The following PPP1R2 variants were observed in gnomAD, a reference collection of about 807,000 sequenced individuals.
PPP1R2 encodes the protein protein phosphatase 1 regulatory inhibitor subunit 2, also known as protein phosphatase inhibitor 2.
Under a neutral mutation model 29.9 loss-of-function variants are expected in PPP1R2, and 16 were observed. The observed-to-expected ratio is 0.53, with a 90% CI of 0.36 to 0.81. The LOEUF (loss-of-function observed/expected upper bound fraction) is 0.81, where lower values mean the gene tolerates loss of function less well. PPP1R2 is among the 30% of genes least tolerant of loss of function. The pLI, the probability that PPP1R2 is intolerant of heterozygous loss-of-function variation, is 0.00. For synonymous variants in PPP1R2, 76 were observed against 91.5 expected (o/e 0.83, Z 0.96); for missense variants, 197 against 252.7 (o/e 0.78, Z 1.49).
intron 1 of PPP1R2, among the ~76,000 whole-genome samples, chr3:195,538,292 G>A (rs992145000): frequency 6.6e-6 from 1 of 152,214 alleles, no homozygotes; most frequent in Non-Finnish European, 1.5e-5. Context: ...CTTGTGACTT[G>A]CTCATTTGAT....
At chr3:195,521,947 G>A (rs1177997104) in intron 4 of PPP1R2, among the ~76,000 whole-genome samples, 4 of 152,080 alleles carry the variant, frequency 2.6e-5, no homozygotes, top group Non-Finnish European at 5.9e-5. Flanking sequence ...CACCAAACCC[G>A]GCCATCATGA....
At chr3:195,542,676 T>C (rs1719639870) in intron 1 of PPP1R2, among the ~76,000 whole-genome samples, 1 of 152,040 alleles carries the variant, frequency 6.6e-6, no homozygotes, top group African/African-American at 2.4e-5. Context: ...AAGATGATGT[T>C]TAAAAATATT....
rs775644935 is a variant in PPP1R2, at chr3:195,524,870, C to G, written c.257G>C (p.Cys86Ser). The G allele has an allele frequency of 4.3e-6, 7 of 1,614,120 alleles. No individual in the cohort carries two copies. Among genetic ancestry groups the G allele is most frequent in the Non-Finnish European group, 5.1e-6 (6 of 1,179,990 alleles). Residue 86 changes from cysteine to serine, a missense_variant, in exon 3 of 6, where the codon TGT becomes TCT. Physicochemically the swap from Cys to Ser is moderately radical, Grantham distance 112 (BLOSUM62 -1). Around this residue, in one of 3 missense-constraint regions of PPP1R2, gnomAD observed 135 missense variants for 163.0 expected, o/e 0.83. Coordinates refer to ENST00000618156, the MANE Select transcript of PPP1R2 (RefSeq NM_006241.8). ...HSMMGDDEDA[C>S]SDTEATEAMA... is the part of the protein sequence containing the mutation. ...GGCTTCAGTGGCCTCGGTGTCACTA[C>G]AGGCATCTTCATCATCCCCCATCAT...
chr3:195,520,152 G>T (rs1718699964), intron 4 of PPP1R2, among the ~76,000 whole-genome samples: 1 of 152,110 alleles, frequency 6.6e-6, no homozygotes, highest in Non-Finnish European at 1.5e-5. Context: ...TGGGATCACA[G>T]GCATGTGCTA....
intron 5 of PPP1R2, among the ~76,000 whole-genome samples, chr3:195,518,543 C>T (rs576016820): frequency 5.9e-5 from 9 of 151,518 alleles, no homozygotes; most frequent in African/African-American, 1.5e-4. Flanking sequence ...CCCAGCTACT[C>T]GGGAGGCTGA....
At chr3:195,527,803 C>T in intron 2 of PPP1R2, 1 of 230,844 alleles carries the variant, frequency 4.3e-6, no homozygotes, top group Non-Finnish European at 8.8e-6. Flanking sequence ...GAGTTCCAGG[C>T]TGTAGTGTGC....
chr3:195,518,785 C>A (rs1372107204), intron 5 of PPP1R2, among the ~76,000 whole-genome samples: 4 of 151,988 alleles, frequency 2.6e-5, no homozygotes, highest in Non-Finnish European at 1.5e-5. Flanking sequence ...GCAAGTAAAC[C>A]ATAAGAAAGC....
intron 2 of PPP1R2, among the ~76,000 whole-genome samples, chr3:195,525,816 C>G (rs1051804415): frequency 4.6e-5 from 7 of 152,116 alleles, no homozygotes; most frequent in Admixed American, 4.6e-4. Flanking sequence ...TATACATTTC[C>G]TGGTTAATTA....
intron 1 of PPP1R2, among the ~76,000 whole-genome samples, chr3:195,530,507 G>A (rs895418383): frequency 1.3e-5 from 2 of 152,134 alleles, no homozygotes; most frequent in African/African-American, 2.4e-5. Flanking sequence ...AGCAATAGAC[G>A]TTCTCTCTAA....
intron 3 of PPP1R2, among the ~76,000 whole-genome samples, chr3:195,524,340 G>T (rs1718881406): frequency 6.6e-6 from 1 of 152,142 alleles, no homozygotes; most frequent in African/African-American, 2.4e-5. Context: ...TGGCCAATAT[G>T]GCAAAACACT....
intron 1 of PPP1R2, among the ~76,000 whole-genome samples, chr3:195,539,334 T>A (rs1290688172): frequency 3.3e-5 from 5 of 152,214 alleles, no homozygotes; most frequent in South Asian, 2.1e-4. Flanking sequence ...CTATACTTAG[T>A]TATGTGGATT....
intron 1 of PPP1R2, among the ~76,000 whole-genome samples, chr3:195,539,542 T>C (rs1719515366): frequency 6.6e-6 from 1 of 151,938 alleles, no homozygotes; most frequent in African/African-American, 2.4e-5. Context: ...TAAAACCCCA[T>C]CTCTACAAAA....
chr3:195,522,657 A>G (rs1718805650), intron 4 of PPP1R2, among the ~76,000 whole-genome samples: 1 of 152,240 alleles, frequency 6.6e-6, no homozygotes, highest in African/African-American at 2.4e-5. Flanking sequence ...GAGATACAAT[A>G]CAACTTGAGA....
chr3:195,532,212 TTTC>T (rs1281751627), intron 1 of PPP1R2, among the ~76,000 whole-genome samples: 2 of 97,416 alleles, frequency 2.1e-5, no homozygotes, highest in African/African-American at 7.2e-5. Context: ...TCTTTTTCTT[TTTC>T]TTTTTTTTTT....
In PPP1R2 at chr3:195,515,769, A is replaced by C. The variant is rs574769189; in HGVS notation, c.*1127T>G. 3.3e-5 allele frequency: 5 copies of C among 152,160 alleles called. No individual in the cohort carries two copies. Among genetic ancestry groups the C allele is most frequent in the East Asian group, 1.9e-4 (1 of 5,186 alleles). The allele number at this position is 152,160 out of a possible 1,614,324, so 9.4% of individuals were successfully genotyped here. A position where few individuals can be genotyped will look rare whatever the true frequency, so the allele number is the denominator to read the frequency against. On this transcript the variant is annotated 3_prime_UTR_variant, in exon 6 of 6. Transcript: ENST00000618156. ...AACCCTCAAAAAACAAACAAAAAAA[A>C]CCCTCAGTTAGTTGTTTTCTTAAGT...
chr3:195,529,982 TAACATTTC>T, intron 1 of PPP1R2, 81 bp from the exon 2 acceptor site: 1 of 997,994 alleles, frequency 1.0e-6, no homozygotes, highest in Non-Finnish European at 1.5e-6. Context: ...TGTCCAAATT[TAACATTTC>T]AACTTCTATT....
intron 1 of PPP1R2, among the ~76,000 whole-genome samples, chr3:195,535,643 A>C (rs1278749799): frequency 1.3e-5 from 2 of 152,212 alleles, no homozygotes; most frequent in African/African-American, 4.8e-5. Context: ...AGTGCTTCTG[A>C]ATCAGTGCCA....
chr3:195,519,915 AT>A (rs1224650649), intron 4 of PPP1R2, among the ~76,000 whole-genome samples: 4 of 55,056 alleles, frequency 7.3e-5, no homozygotes, highest in Admixed American at 5.0e-4. Flanking sequence ...AGATCAGAAA[AT>A]TAAAAAAAAA....
chr3:195,527,424 C>T (rs930223252), intron 2 of PPP1R2, among the ~76,000 whole-genome samples: 3 of 151,526 alleles, frequency 2.0e-5, no homozygotes, highest in South Asian at 2.1e-4. Flanking sequence ...CTCTCCAGCC[C>T]GGGTGACAGA....
Sources: gnomAD v4.1 joint callset for allele counts (sites outside exome capture counted in the v4.1 genomes callset) on GRCh38, gnomAD v4.1.1 for gene constraint, gnomAD v4.1.1 regional missense constraint, MANE v1.5 for transcripts, NCBI Gene and HGNC (gene_info 2026-07-23, HGNC 2026-07-21) for gene names.